LYRM4: variants seen among roughly 807,000 people sequenced by gnomAD.
LYRM4 encodes the protein LYR motif-containing protein 4.
In LYRM4, 9 loss-of-function variants were observed where a neutral mutation model predicts 11.7. That is an observed-to-expected ratio of 0.77 (90% confidence interval 0.46 to 1.34). LYRM4 has a LOEUF of 1.34. Ranked by LOEUF, LYRM4 falls within the 40% of genes most tolerant of loss-of-function variation. LYRM4 has a pLI of 0.00. For missense variants in LYRM4, 133 were observed against 112.5 expected (o/e 1.18, Z -0.82); for synonymous variants, 42 against 40.4 (o/e 1.04, Z -0.15).
chr6:5,068,131 T>A, the LYRM4 span, among the ~76,000 whole-genome samples: 2 of 152,226 alleles, frequency 1.3e-5, no homozygotes, highest in Admixed American at 1.3e-4. This position sits in a 1 kb window ranked among gnomAD's most constrained non-coding sequence, Gnocchi z 4.0. Context: ...GGCTCATTCA[T>A]TTTGACCAGG....
At chr6:5,246,526 G>A (rs1166032985) in intron 1 of LYRM4, among the ~76,000 whole-genome samples, 1 of 152,224 alleles carries the variant, frequency 6.6e-6, no homozygotes, top group African/African-American at 2.4e-5. Flanking sequence ...GTTAGTTGCT[G>A]CTGTACTTGA....
intron 2 of LYRM4, among the ~76,000 whole-genome samples, chr6:5,171,998 G>A (rs1392973672): frequency 6.6e-6 from 1 of 152,154 alleles, no homozygotes; most frequent in Non-Finnish European, 1.5e-5. Context: ...GCAATAGAGG[G>A]TCATGGACAG....
At chr6:5,066,782 GGAGTTT>G in the LYRM4 span, 1 of 732,442 alleles carries the variant, frequency 1.4e-6, no homozygotes, top group Non-Finnish European at 2.4e-6. Context: ...AGTCTAAGAT[GGAGTTT>G]AACACCCTCC....
At chr6:5,120,435 G>A (rs1000163456) in intron 2 of LYRM4, among the ~76,000 whole-genome samples, 5 of 152,202 alleles carry the variant, frequency 3.3e-5, no homozygotes, top group Non-Finnish European at 7.3e-5. Flanking sequence ...CAGGAATGAA[G>A]CCACAGACCT....
At chr6:5,102,504 G>A (rs1762536784), downstream of LYRM4, 1 of 152,150 alleles carries the variant, frequency 6.6e-6, no homozygotes, top group Non-Finnish European at 1.5e-5. Context: ...CTAGTGAAAT[G>A]TTTCAACAAT....
At chr6:5,093,241 A>T in the LYRM4 span, among the ~76,000 whole-genome samples, 1 of 152,248 alleles carries the variant, frequency 6.6e-6, no homozygotes, top group Non-Finnish European at 1.5e-5. Context: ...GCCCTGGAAG[A>T]CTGCTTTTTG....
chr6:5,082,818 C>G, the LYRM4 span, among the ~76,000 whole-genome samples: 2 of 152,248 alleles, frequency 1.3e-5, no homozygotes, highest in Non-Finnish European at 2.9e-5. Flanking sequence ...TCTGTGCTCT[C>G]TGCCCTCAGG....
intron 2 of LYRM4, among the ~76,000 whole-genome samples, chr6:5,197,403 G>A (rs1317473673): frequency 6.6e-6 from 1 of 152,242 alleles, no homozygotes; most frequent in African/African-American, 2.4e-5. Flanking sequence ...GCCGGGCACG[G>A]TGGCTCATGC....
the LYRM4 span, among the ~76,000 whole-genome samples, chr6:5,056,996 A>G: frequency 6.6e-6 from 1 of 152,200 alleles, no homozygotes; most frequent in Middle Eastern, 3.2e-3. Context: ...TGTTGAAAAG[A>G]CATGTACTCA....
intron 1 of LYRM4, among the ~76,000 whole-genome samples, chr6:5,250,430 A>T (rs1486551329): frequency 2.0e-5 from 3 of 152,172 alleles, no homozygotes; most frequent in Admixed American, 6.5e-5. Flanking sequence ...CTCAATCTAA[A>T]TATCTTAAAT....
chr6:5,182,325 T>A (rs954869637), intron 2 of LYRM4, among the ~76,000 whole-genome samples: 2 of 152,270 alleles, frequency 1.3e-5, no homozygotes, highest in African/African-American at 4.8e-5. Context: ...TTGTAATGAC[T>A]ATTTTTGTGT....
At chr6:5,140,672 G>GT (rs1289487063) in intron 2 of LYRM4, among the ~76,000 whole-genome samples, 1 of 152,218 alleles carries the variant, frequency 6.6e-6, no homozygotes, top group Non-Finnish European at 1.5e-5. Flanking sequence ...TTGGGAACAT[G>GT]TAAGGCTTAT....
intron 1 of LYRM4, among the ~76,000 whole-genome samples, chr6:5,229,003 CAAAAAA>C (rs70974180): frequency 7.9e-5 from 3 of 38,000 alleles, no homozygotes; most frequent in African/African-American, 3.4e-4. Context: ...GGCTCAGTCT[CAAAAAA>C]AAAAAAAAAA....
rs574044768 is a variant in LYRM4, at chr6:5,170,898, A to G, written c.207+45720T>C. On this transcript the variant is annotated intron_variant, in intron 2 of 2. Coordinates refer to ENST00000330636, the MANE Select transcript of LYRM4 (RefSeq NM_020408.6). ...AAAAGCTGAAGTGACCTAACGGTCC[A>G]CCATTAGGGGTTGGCTCAACATATG... Among the ~76,000 whole-genome samples, 375 of 152,358 alleles carry G rather than the reference A, an allele frequency of 2.5e-3. 2 individuals are homozygous for G. The highest frequency in any genetic ancestry group is 4.0e-3 in the Non-Finnish European group (271 of 68,034).
At chr6:5,206,442 G>A (rs1395477023) in intron 2 of LYRM4, among the ~76,000 whole-genome samples, 3 of 152,196 alleles carry the variant, frequency 2.0e-5, no homozygotes, top group African/African-American at 7.2e-5. Flanking sequence ...GAGTGGAATA[G>A]TCTAATGAAA....
chr6:5,163,249 AG>A (rs1758874111), intron 2 of LYRM4, among the ~76,000 whole-genome samples: 1 of 152,188 alleles, frequency 6.6e-6, no homozygotes, highest in African/African-American at 2.4e-5. Context: ...GGTATGAGGA[AG>A]GGGTCAAGAC....
chr6:5,093,985 C>T, the LYRM4 span, among the ~76,000 whole-genome samples: 3 of 152,310 alleles, frequency 2.0e-5, no homozygotes, highest in South Asian at 2.1e-4. Context: ...CCCCCAACCC[C>T]GACTAGGTTG....
intron 1 of LYRM4, among the ~76,000 whole-genome samples, chr6:5,259,273 C>T (rs1242053309): frequency 1.3e-5 from 2 of 152,184 alleles, no homozygotes; most frequent in South Asian, 4.1e-4. Flanking sequence ...ATTTAACTTG[C>T]ATATTTCATG....
At chr6:5,207,632 G>A (rs1250864351) in intron 2 of LYRM4, among the ~76,000 whole-genome samples, 1 of 152,174 alleles carries the variant, frequency 6.6e-6, no homozygotes, top group African/African-American at 2.4e-5. Context: ...AGCTTGTCTG[G>A]AAAAGCACAA....
Sources: gnomAD v4.1 joint callset for allele counts (sites outside exome capture counted in the v4.1 genomes callset) on GRCh38, gnomAD v4.1.1 for gene constraint, Gnocchi (gnomAD v3.1) non-coding constraint, MANE v1.5 for transcripts, NCBI Gene and HGNC (gene_info 2026-07-23, HGNC 2026-07-21) for gene names.